GRID2: variants seen among roughly 807,000 people sequenced by gnomAD.
GRID2 encodes the protein glutamate ionotropic receptor delta type subunit 2.
A neutral mutation model predicts 114.8 loss-of-function variants in GRID2; 33 were observed. The ratio of observed to expected loss-of-function variants is 0.29; its 90% CI spans 0.22 to 0.38. The LOEUF is 0.38. GRID2 is among the 10% of genes least tolerant of loss of function. The probability of loss-of-function intolerance (pLI) is 1.00; values close to 1 mark genes in which losing one functional copy is unlikely to be tolerated. For synonymous variants in GRID2, 505 were observed against 449.9 expected (o/e 1.12, Z -1.55); for missense variants, 1,184 against 1,257.7 (o/e 0.94, Z 0.89).
At chr4:92,964,661 C>T (rs1753022246) in intron 2 of GRID2, among the ~76,000 whole-genome samples, 2 of 152,014 alleles carry the variant, frequency 1.3e-5, no homozygotes, top group African/African-American at 2.4e-5. Flanking sequence ...TCCTCTTGTA[C>T]TTTTACATTA....
At chr4:92,918,836 A>G (rs143728266) in intron 2 of GRID2, among the ~76,000 whole-genome samples, 2,265 of 152,122 alleles carry the variant, frequency 0.015, 21 homozygotes, top group East Asian at 0.054. Flanking sequence ...TCTGTGCCAG[A>G]CTTTGGTATC....
intron 2 of GRID2, among the ~76,000 whole-genome samples, chr4:92,863,907 G>A (rs1744694641): frequency 6.6e-6 from 1 of 152,196 alleles, no homozygotes; most frequent in South Asian, 2.1e-4. Flanking sequence ...CAGCTCCACA[G>A]GCTTAGCAAA....
At chr4:93,808,894 A>G (rs1735081649) in exon 2 of GRID2, 1 of 152,158 alleles carries the variant, frequency 6.6e-6, no homozygotes, top group Admixed American at 6.6e-5. Flanking sequence ...GACCCCATTA[A>G]ACAAAATACA....
At chr4:92,594,397 A>G (rs569159869) in intron 2 of GRID2, among the ~76,000 whole-genome samples, 1 of 152,058 alleles carries the variant, frequency 6.6e-6, no homozygotes, top group East Asian at 1.9e-4. Flanking sequence ...GTAAAAAATG[A>G]AGGAATCTGA....
At chr4:93,648,817 A>G (rs1409553086) in intron 14 of GRID2, among the ~76,000 whole-genome samples, 1 of 151,964 alleles carries the variant, frequency 6.6e-6, no homozygotes, top group African/African-American at 2.4e-5. Flanking sequence ...TCTCCCTTGT[A>G]TCTTTTTCTT....
intron 14 of GRID2, among the ~76,000 whole-genome samples, chr4:93,761,928 G>A (rs1165106945): frequency 6.6e-6 from 1 of 152,096 alleles, no homozygotes; most frequent in Non-Finnish European, 1.5e-5. Context: ...TGTAATATTA[G>A]ATATGCCAAT....
chr4:93,090,040 A>G (rs1181145215), intron 3 of GRID2, among the ~76,000 whole-genome samples: 3 of 152,172 alleles, frequency 2.0e-5, no homozygotes, highest in South Asian at 2.1e-4. Flanking sequence ...CAGGAGACCT[A>G]TGGAGAATTG....
intron 4 of GRID2, among the ~76,000 whole-genome samples, chr4:93,191,671 T>C (rs1398673397): frequency 2.0e-5 from 3 of 152,144 alleles, no homozygotes; most frequent in Non-Finnish European, 4.4e-5. Flanking sequence ...TTTTTCTTTT[T>C]GTCACATCAA....
chr4:93,021,793 ATTAT>A (rs1206343789), intron 2 of GRID2, among the ~76,000 whole-genome samples: 1 of 146,138 alleles, frequency 6.8e-6, no homozygotes, highest in Non-Finnish European at 1.5e-5. Context: ...TATATTATAT[ATTAT>A]TTTTATAATA....
rs544364746 is a variant in GRID2 at position 92,653,345 on chromosome 4, GTGTT to G, written c.244+63063_244+63066del. Among the ~76,000 whole-genome samples the G allele has an allele frequency of 2.8e-3, 423 of 150,116 alleles. 3 individuals carry two copies. Among genetic ancestry groups the G allele is most frequent in the African/African-American group, 9.9e-3 (402 of 40,524 alleles). ...CATGTGTCTGTGTGTGTGTGTGTGT[GTGTT>G]TGTGTGTTTGTAATTGTTTTCAGGA... On this transcript the variant is annotated intron_variant, in intron 2 of 15. Coordinates refer to ENST00000282020, the MANE Select transcript of GRID2 (RefSeq NM_001510.4).
chr4:93,689,088 G>C (rs764646958), intron 14 of GRID2, among the ~76,000 whole-genome samples: 1 of 151,970 alleles, frequency 6.6e-6, no homozygotes, highest in Non-Finnish European at 1.5e-5. Context: ...AACACACGCA[G>C]AGAGAAGACG....
intron 1 of GRID2, among the ~76,000 whole-genome samples, chr4:92,542,333 A>G (rs1051844532): frequency 1.3e-5 from 2 of 152,124 alleles, no homozygotes; most frequent in Non-Finnish European, 2.9e-5. Context: ...CATTGTACCT[A>G]AACTTTTCTT....
intron 2 of GRID2, among the ~76,000 whole-genome samples, chr4:92,713,702 C>T (rs774400852): frequency 6.6e-6 from 1 of 151,506 alleles, no homozygotes; most frequent in Non-Finnish European, 1.5e-5. Context: ...CATGTGATGG[C>T]AGACAAGTGA....
At chr4:93,078,600 C>A (rs945818009) in intron 2 of GRID2, among the ~76,000 whole-genome samples, 1 of 148,428 alleles carries the variant, frequency 6.7e-6, no homozygotes, top group Non-Finnish European at 1.5e-5. Context: ...AAATCGGGAG[C>A]TATGAAATCT....
intron 2 of GRID2, among the ~76,000 whole-genome samples, chr4:92,776,043 T>G (rs1272800892): frequency 1.3e-5 from 2 of 152,164 alleles, no homozygotes. Context: ...TCTGTAAAAA[T>G]TAACAGATAT....
chr4:92,323,353 A>G (rs1726420296), intron 1 of GRID2, among the ~76,000 whole-genome samples: 1 of 152,066 alleles, frequency 6.6e-6, no homozygotes, highest in South Asian at 2.1e-4. Flanking sequence ...TTTTGAATTA[A>G]TTCTTCTCTA....
At chr4:92,621,273 T>C (rs1310870517) in intron 2 of GRID2, among the ~76,000 whole-genome samples, 1 of 151,846 alleles carries the variant, frequency 6.6e-6, no homozygotes, top group Non-Finnish European at 1.5e-5. Flanking sequence ...GATGAAGTGA[T>C]GGTTTAAGAT....
At chr4:92,550,879 T>C (rs1422794323) in intron 1 of GRID2, among the ~76,000 whole-genome samples, 1 of 152,206 alleles carries the variant, frequency 6.6e-6, no homozygotes, top group Non-Finnish European at 1.5e-5. Context: ...ACTTGCAGTT[T>C]AATGTTAAGC....
chr4:93,189,730 GAT>G (rs1227028085), intron 4 of GRID2, among the ~76,000 whole-genome samples: 1 of 149,634 alleles, frequency 6.7e-6, no homozygotes, highest in Non-Finnish European at 1.5e-5. Context: ...GGAATATACA[GAT>G]AGTTTTGTGT....
Sources: allele counts gnomAD v4.1 joint callset (sites outside exome capture counted in the v4.1 genomes callset), GRCh38; gene constraint gnomAD v4.1.1; transcripts MANE v1.5; gene names NCBI Gene and HGNC (gene_info 2026-07-23, HGNC 2026-07-21).